Variants in ZCCHC10 observed in about 807,000 individuals in gnomAD.
ZCCHC10 encodes the protein zinc finger CCHC-type containing 10, also known as zinc finger CCHC domain-containing protein 10.
ZCCHC10 carries 16 observed loss-of-function variants against 19.5 expected under a neutral mutation model. The ratio of observed to expected loss-of-function variants is 0.82; its 90% CI spans 0.56 to 1.25. The LOEUF is 1.25. Among genes scored for constraint, ZCCHC10 ranks in the 50% most tolerant of loss-of-function variants. The pLI is 0.00. For missense variants in ZCCHC10, 197 were observed against 201.0 expected (o/e 0.98, Z 0.12); for synonymous variants, 67 against 72.5 (o/e 0.92, Z 0.38).
At chr5:133,025,446 G>C (rs1172727169) in intron 1 of ZCCHC10, among the ~76,000 whole-genome samples, 1 of 141,964 alleles carries the variant, frequency 7.0e-6, no homozygotes, top group Non-Finnish European at 1.5e-5. Context: ...GGAGCTTGCA[G>C]TGAGCCAAGA....
At chr5:133,008,731 GC>G (rs1189751366) in intron 2 of ZCCHC10, among the ~76,000 whole-genome samples, 1 of 151,730 alleles carries the variant, frequency 6.6e-6, no homozygotes, top group Non-Finnish European at 1.5e-5. Context: ...ATTAGCCAGG[GC>G]CAGGCCTGGT....
At chr5:133,011,082 G>T (rs910902132) in intron 2 of ZCCHC10, among the ~76,000 whole-genome samples, 1 of 150,780 alleles carries the variant, frequency 6.6e-6, no homozygotes, top group Non-Finnish European at 1.5e-5. Context: ...GTGAGCCACC[G>T]CACCTGGCTA....
chr5:133,022,181 A>C lies in ZCCHC10; in HGVS notation c.107+660T>G, dbSNP rs546444920. Among the ~76,000 whole-genome samples, 16 of 152,162 alleles carry C rather than the reference A, an allele frequency of 1.1e-4. No homozygotes were observed. The South Asian group carries it at 3.3e-3, about 32-fold the overall frequency. ...CAAACACATTTATAGCTGTACAAAA[A>C]TTTTTTCTTTCTTTATATCTTCATT... On this transcript the variant is annotated intron_variant, in intron 2 of 4. Coordinates refer to ENST00000509437, the MANE Select transcript of ZCCHC10 (RefSeq NM_001300816.3).
chr5:133,007,283 C>T (rs1763182828), intron 2 of ZCCHC10, among the ~76,000 whole-genome samples: 1 of 152,092 alleles, frequency 6.6e-6, no homozygotes, highest in Non-Finnish European at 1.5e-5. Context: ...TGGCTCACAC[C>T]TATAATCCCA....
chr5:132,997,183 T>A lies in ZCCHC10; in HGVS notation c.*1400A>T, dbSNP rs1762487836. On this transcript the variant is annotated 3_prime_UTR_variant, in exon 5 of 5. Transcript: ENST00000509437. ...ATTCTGTAGGCAGCCTTTGAAATGA[T>A]GTTTTGAGAATTTATTTACAACCAT... The A allele has an allele frequency of 6.6e-6, 1 of 152,242 alleles. No individual in the cohort carries two copies. Among genetic ancestry groups the A allele is most frequent in the African/African-American group, 2.4e-5 (1 of 41,472 alleles). 9.4% of individuals were successfully genotyped at this position (152,242 alleles called of 1,614,324 possible). A position where few individuals can be genotyped will look rare whatever the true frequency, so the allele number is the denominator to read the frequency against.
chr5:133,005,191 C>G (rs537033564), intron 3 of ZCCHC10, among the ~76,000 whole-genome samples: 1 of 152,052 alleles, frequency 6.6e-6, no homozygotes, highest in East Asian at 1.9e-4. Context: ...CCCAGCTACT[C>G]CGGAGGCTGA....
In ZCCHC10 at chr5:132,997,559, C is replaced by G. The variant is rs185570002; in HGVS notation, c.*1024G>C. The G allele has an allele frequency of 3.6e-4, 55 of 152,202 alleles. No individual in the cohort carries two copies. In the East Asian group the frequency reaches 0.01, roughly 28 times the overall value. 9.4% of individuals were successfully genotyped at this position (152,202 alleles called of 1,614,324 possible). On this transcript the variant is annotated 3_prime_UTR_variant, in exon 5 of 5. Coordinates refer to ENST00000509437, the MANE Select transcript of ZCCHC10 (RefSeq NM_001300816.3). The stretch of plus-strand genomic sequence containing the variant: ...TTCAACTATGTATATCCTATGTAAA[C>G]ACACCAGATTAATCCTAGTCATTCA...
At chr5:132,998,887 G>T in intron 4 of ZCCHC10, 37 bp from the exon 5 acceptor site, 2 of 1,590,136 alleles carry the variant, frequency 1.3e-6, no homozygotes, top group South Asian at 2.3e-5. Flanking sequence ...ATGGGAAGGT[G>T]ACATGTAATA....
chr5:133,011,741 T>C (rs1763550647), intron 2 of ZCCHC10, among the ~76,000 whole-genome samples: 1 of 151,120 alleles, frequency 6.6e-6, no homozygotes, highest in South Asian at 2.1e-4. Context: ...TATTATAAAA[T>C]GTCAGTTCTC....
At chr5:133,015,448 G>T (rs1342253086) in intron 2 of ZCCHC10, among the ~76,000 whole-genome samples, 1 of 152,110 alleles carries the variant, frequency 6.6e-6, no homozygotes, top group Non-Finnish European at 1.5e-5. Flanking sequence ...TTGTGGAATT[G>T]TAATTCCCCT....
At chr5:133,000,057 T>C in intron 4 of ZCCHC10, 75 bp downstream of exon 4, 2 of 1,530,940 alleles carry the variant, frequency 1.3e-6, no homozygotes, top group Non-Finnish European at 1.8e-6. Context: ...ATAGCTATTG[T>C]TTTAAAATCA....
At position 132,997,705 on chromosome 5, in the gene ZCCHC10, C is replaced by T. The variant is rs937034174; in HGVS notation, c.*878G>A. 5.9e-5 allele frequency: 9 copies of T among 152,236 alleles called. 1 individual carries two copies. The highest frequency in any genetic ancestry group is 9.6e-5 in the African/African-American group (4 of 41,548). 9.4% of individuals were successfully genotyped at this position (152,236 alleles called of 1,614,324 possible). ...AAAAAAAGCTTTTAATAAAAGGCGACCAACATTGCCCTAATTTTCAGTAAA... is the reference window on the plus strand; with the variant it reads ...AAAAAAAGCTTTTAATAAAAGGCGATCAACATTGCCCTAATTTTCAGTAAA... On this transcript the variant is annotated 3_prime_UTR_variant, in exon 5 of 5. Transcript: ENST00000509437.
At chr5:133,019,277 A>C (rs1764136849) in intron 2 of ZCCHC10, 1 of 214,504 alleles carries the variant, frequency 4.7e-6, no homozygotes, top group Non-Finnish European at 9.7e-6. Context: ...GTATGTTTTA[A>C]ACACTCACAA....
At chr5:133,011,067 C>G (rs1763472881) in intron 2 of ZCCHC10, among the ~76,000 whole-genome samples, 1 of 151,648 alleles carries the variant, frequency 6.6e-6, no homozygotes, top group African/African-American at 2.4e-5. Flanking sequence ...GTTGGGATTA[C>G]AGGTGTGAGC....
At chr5:133,024,699 C>T (rs1258087995) in intron 1 of ZCCHC10, among the ~76,000 whole-genome samples, 1 of 152,062 alleles carries the variant, frequency 6.6e-6, no homozygotes, top group Non-Finnish European at 1.5e-5. Context: ...ATCAGGAGTT[C>T]GAGACCAGCC....
intron 1 of ZCCHC10, among the ~76,000 whole-genome samples, chr5:133,025,805 T>C (rs1764663181): frequency 6.6e-6 from 1 of 152,118 alleles, no homozygotes; most frequent in South Asian, 2.1e-4. Flanking sequence ...CCTCTTTCCA[T>C]CACAACAGCT....
intron 2 of ZCCHC10, among the ~76,000 whole-genome samples, chr5:133,018,306 ATT>A (rs879292993): frequency 4.2e-5 from 6 of 143,346 alleles, no homozygotes; most frequent in Non-Finnish European, 3.1e-5. Flanking sequence ...CAGCAAGCTG[ATT>A]TTTTTTTTTT....
intron 4 of ZCCHC10, 56 bp downstream of exon 4, chr5:133,000,076 A>G: frequency 6.3e-7 from 1 of 1,577,112 alleles, no homozygotes; most frequent in Admixed American, 1.7e-5. Context: ...CACCTTTCCC[A>G]TCCCGCCAAT....
chr5:133,008,813 A>G (rs779071024), intron 2 of ZCCHC10, among the ~76,000 whole-genome samples: 1 of 151,820 alleles, frequency 6.6e-6, no homozygotes, highest in South Asian at 2.1e-4. Flanking sequence ...GAAGTTTGAG[A>G]CTAGCCTGGG....
Sources: allele counts gnomAD v4.1 joint callset (sites outside exome capture counted in the v4.1 genomes callset), GRCh38; gene constraint gnomAD v4.1.1; transcripts MANE v1.5; gene names NCBI Gene and HGNC (gene_info 2026-07-23, HGNC 2026-07-21).